ZNF417: variants seen among roughly 807,000 people sequenced by gnomAD.
The protein encoded by ZNF417 is zinc finger protein 417.
In ZNF417, 5 loss-of-function variants were observed where a neutral mutation model predicts 7.4. The observed-to-expected ratio is 0.68, with a 90% confidence interval of 0.35 to 1.43. The LOEUF (loss-of-function observed/expected upper bound fraction) is 1.43. Among genes scored for constraint, ZNF417 ranks in the 40% most tolerant of loss-of-function variants. ZNF417 has a pLI of 0.04. For synonymous variants in ZNF417, 147 were observed against 239.1 expected (o/e 0.61, Z 3.55); for missense variants, 437 against 697.3 (o/e 0.63, Z 4.20).
Position 57,916,269 on chromosome 19 carries a change from T to C in ZNF417, c.33+110A>G, listed in dbSNP as rs537383945. 1,530 of 1,597,182 alleles carry C rather than the reference T, an allele frequency of 9.6e-4. 13 individuals are homozygous for C. Among genetic ancestry groups the C allele is most frequent in the South Asian group, 6.1e-3 (548 of 89,456 alleles). ...ACCCCTCCTGCGAGCGCCTCAGTGT[T>C]CCTACGCCGGGTACCGGCTACAGAC... On this transcript the variant is annotated intron_variant, in intron 1 of 2. Transcript: ENST00000312026.
At chr19:57,915,112 A>G (rs541218380) in intron 1 of ZNF417, among the ~76,000 whole-genome samples, 2 of 152,242 alleles carry the variant, frequency 1.3e-5, no homozygotes, top group African/African-American at 4.8e-5. Flanking sequence ...TGTCCCTGGA[A>G]CCAGGTAACC....
intron 1 of ZNF417, among the ~76,000 whole-genome samples, chr19:57,913,646 C>G (rs573436858): frequency 6.6e-6 from 1 of 152,350 alleles, no homozygotes; most frequent in East Asian, 1.9e-4. Flanking sequence ...GAAGTGTCAT[C>G]TTCCTTACTC....
At chr19:57,915,203 C>T (rs2071936718) in intron 1 of ZNF417, 1 of 157,610 alleles carries the variant, frequency 6.3e-6, no homozygotes, top group Non-Finnish European at 1.4e-5. Flanking sequence ...AAGGATTCAA[C>T]CTCCCAAGAC....
At chr19:57,916,253 G>A in intron 1 of ZNF417, 126 bp downstream of exon 1, 4 of 1,560,956 alleles carry the variant, frequency 2.6e-6, no homozygotes, top group Non-Finnish European at 3.5e-6. Flanking sequence ...GACCCCTCCT[G>A]CGAGCGCCTC....
intron 1 of ZNF417, among the ~76,000 whole-genome samples, chr19:57,912,789 T>C (rs2071910979): frequency 6.6e-6 from 1 of 151,900 alleles, no homozygotes; most frequent in South Asian, 2.1e-4. Flanking sequence ...TTGTATTTTT[T>C]TTTTTGGTAG....
chr19:57,908,406 T>C lies in ZNF417; in HGVS notation c.*144A>G, dbSNP rs1460288575. 2.8e-6 allele frequency: 4 copies of C among 1,450,480 alleles called. No individual in the cohort carries two copies. Among genetic ancestry groups the C allele is most frequent in the African/African-American group, 1.4e-5 (1 of 70,816 alleles). The allele number at this position is 1,450,480 out of a possible 1,614,324, so 89.9% of individuals were successfully genotyped here. A position where few individuals can be genotyped will look rare whatever the true frequency, so the allele number is the denominator to read the frequency against. On this transcript the variant is annotated 3_prime_UTR_variant, in exon 3 of 3. Coordinates refer to ENST00000312026, the MANE Select transcript of ZNF417 (RefSeq NM_152475.3). ...GTGACAGAATGAGACTCCGTTCCAA[T>C]GCGAAGTCTCTTAAGACCAAGGAGA...
intron 1 of ZNF417, chr19:57,915,652 T>C: frequency 2.6e-6 from 1 of 381,572 alleles, no homozygotes; most frequent in Non-Finnish European, 4.6e-6. Context: ...AGGAATTCAG[T>C]TCATGGTTTC....
chr19:57,910,216 A>G (rs2122526291), intron 2 of ZNF417, 102 bp from the exon 3 acceptor site: 1 of 1,500,370 alleles, frequency 6.7e-7, no homozygotes, highest in Non-Finnish European at 8.9e-7. Context: ...ATCTATAGAA[A>G]TATTTGCAGG....
In ZNF417 at chr19:57,905,802, C is replaced by G. The variant is rs773188559; in HGVS notation, c.*2748G>C. 3.9e-5 allele frequency among the ~76,000 whole-genome samples: 6 copies of G among 152,136 alleles called. No individual in the cohort carries two copies. Among genetic ancestry groups the G allele is most frequent in the Non-Finnish European group, 5.9e-5 (4 of 68,024 alleles). ...TTTCAAACAGGAAAGATGTATGAAT[C>G]TTTTGTACAAAAAAATTTCAACATA... On this transcript the variant is annotated 3_prime_UTR_variant, in exon 3 of 3. Coordinates refer to ENST00000312026, the MANE Select transcript of ZNF417 (RefSeq NM_152475.3).
intron 2 of ZNF417, among the ~76,000 whole-genome samples, chr19:57,910,703 C>A (rs2071892261): frequency 6.6e-6 from 1 of 152,032 alleles, no homozygotes; most frequent in Admixed American, 6.6e-5. Context: ...CCTCTAAACA[C>A]AAGTTGTGTA....
chr19:57,911,766 G>T (rs2071900917), intron 2 of ZNF417, among the ~76,000 whole-genome samples: 1 of 152,124 alleles, frequency 6.6e-6, no homozygotes. Context: ...AATAGAACCT[G>T]GGCACACAAG....
Position 57,911,428 on chromosome 19 carries a change from G to A in ZNF417, c.163+632C>T, listed in dbSNP as rs187978960. ...CCAGCATGGCACTCCTGAGGGACAG[G>A]CTCCCTTTGAGCCTATCGTGATGAG... On this transcript the variant is annotated intron_variant, in intron 2 of 2. Coordinates refer to ENST00000312026, the MANE Select transcript of ZNF417 (RefSeq NM_152475.3). Among the ~76,000 whole-genome samples the A allele has an allele frequency of 2.5e-3, 377 of 152,288 alleles. 7 individuals are homozygous for A. Among genetic ancestry groups the A allele is most frequent in the Non-Finnish European group, 1.0e-3 (68 of 68,022 alleles).
chr19:57,907,136 G>GC lies in ZNF417; in HGVS notation c.*1413dup, dbSNP rs1313681751. On this transcript the variant is annotated 3_prime_UTR_variant, in exon 3 of 3. Coordinates refer to ENST00000312026, the MANE Select transcript of ZNF417 (RefSeq NM_152475.3). The stretch of plus-strand genomic sequence containing the variant: ...CAAAGTGCTGGGATTACAGGCCTGA[G>GC]CCAAAACACCCAGCTGAGATTCTTC... 6.6e-6 allele frequency: 1 copy of GC among 152,094 alleles called. No individual in the cohort carries two copies. The highest frequency in any genetic ancestry group is 1.9e-4 in the East Asian group (1 of 5,158). The allele number at this position is 152,094 out of a possible 1,614,324, so 9.4% of individuals were successfully genotyped here.
chr19:57,913,528 C>T (rs1326469020), intron 1 of ZNF417, among the ~76,000 whole-genome samples: 1 of 152,134 alleles, frequency 6.6e-6, no homozygotes, highest in Admixed American at 6.5e-5. Flanking sequence ...TTTCACTGCC[C>T]ACATGCACCA....
intron 2 of ZNF417, 131 bp from the exon 3 acceptor site, chr19:57,910,245 A>G (rs1441201533): frequency 1.4e-6 from 2 of 1,471,752 alleles, no homozygotes; most frequent in East Asian, 4.7e-5. Flanking sequence ...GTTGGCTTCA[A>G]GTTGAAGATG....
In ZNF417 at chr19:57,916,457, C is replaced by T. The variant is rs766995791; in HGVS notation, c.-46G>A. 23 of 1,612,966 alleles carry T rather than the reference C, an allele frequency of 1.4e-5. 1 individual carries two copies. The highest frequency in any genetic ancestry group is 1.9e-5 in the Non-Finnish European group (23 of 1,179,798). On this transcript the variant is annotated 5_prime_UTR_variant, in exon 1 of 3. The change creates a new upstream start codon in the 5' untranslated region. Transcript: ENST00000312026. The stretch of plus-strand genomic sequence containing the variant: ...GGCCCGGGAGCAGTGGTCGCCGTCA[C>T]GGGGCTGCAGAGCCGCCTCTGGGCA...
rs2071950522 is a variant in ZNF417, at chr19:57,916,501, C to T, written c.-90G>A. On this transcript the variant is annotated 5_prime_UTR_variant, in exon 1 of 3. Transcript: ENST00000312026. Reference sequence around the variant, plus strand: ...CTGGGCACCGAGGACGATTCCTCTCCACCTTCTAGGTTCAGTCACCGCGGT... The same window carrying T: ...CTGGGCACCGAGGACGATTCCTCTCTACCTTCTAGGTTCAGTCACCGCGGT... 3.7e-6 allele frequency: 6 copies of T among 1,606,938 alleles called. No individual in the cohort carries two copies. Among genetic ancestry groups the T allele is most frequent in the Non-Finnish European group, 4.2e-6 (5 of 1,176,882 alleles).
chr19:57,909,106 T>G lies in ZNF417; in HGVS notation c.1172A>C (p.Gln391Pro), dbSNP rs778947203. The G allele has an allele frequency of 1.2e-6, 2 of 1,614,202 alleles. No individual in the cohort carries two copies. Among genetic ancestry groups the G allele is most frequent in the South Asian group, 2.2e-5 (2 of 91,076 alleles). Residue 391 changes from glutamine to proline, a missense_variant, in exon 3 of 3, where the codon CAA (glutamine) becomes CCA (proline). Around this residue, in one of 5 missense-constraint regions of ZNF417, gnomAD observed 233 missense variants for 235.5 expected, o/e 0.99. Coordinates refer to ENST00000312026, the MANE Select transcript of ZNF417 (RefSeq NM_152475.3). Reference protein sequence around the residue: ...KCGECGKSFGQKGNLVQHQRG... With the variant: ...KCGECGKSFGPKGNLVQHQRG... ...CTGATGTTGAACGAGGTTGCCCTTT[T>G]GACCAAAAGATTTTCCACATTCTCC...
Position 57,906,983 on chromosome 19 carries a change from AGCTGGGACTACAGGCACCCACCACTAT to A in ZNF417, c.*1540_*1566del, listed in dbSNP as rs2071837286. On this transcript the variant is annotated 3_prime_UTR_variant, in exon 3 of 3. Transcript: ENST00000312026. Reference sequence around the variant, plus strand: ...ATTCTCCTGCCTCAGCCTCCCAAGCAGCTGGGACTACAGGCACCCACCACTATGCTTGGGTAATTTTTGTATTTTTAG... The same window carrying A: ...ATTCTCCTGCCTCAGCCTCCCAAGCAGCTTGGGTAATTTTTGTATTTTTAG... 1 of 149,130 alleles carries A rather than the reference AGCTGGGACTACAGGCACCCACCACTAT, an allele frequency of 6.7e-6. No individual in the cohort carries two copies. The highest frequency in any genetic ancestry group is 2.1e-4 in the South Asian group (1 of 4,658). 9.2% of individuals were successfully genotyped at this position (149,130 alleles called of 1,614,324 possible).
Sources: gnomAD v4.1 joint callset for allele counts (sites outside exome capture counted in the v4.1 genomes callset) on GRCh38, gnomAD v4.1.1 for gene constraint, gnomAD v4.1.1 regional missense constraint, MANE v1.5 for transcripts, NCBI Gene and HGNC (gene_info 2026-07-23, HGNC 2026-07-21) for gene names.